Variants in COBLL1 observed in about 807,000 individuals in gnomAD.
The protein encoded by COBLL1 is cordon-bleu WH2 repeat protein like 1, also known as cordon-bleu protein-like 1.
In COBLL1, 50 loss-of-function variants were observed where a neutral mutation model predicts 94.8. The ratio of observed to expected loss-of-function variants is 0.53; its 90% CI spans 0.42 to 0.67. The LOEUF is 0.67. Among genes scored for constraint, COBLL1 ranks in the 30% least tolerant of loss-of-function variants. COBLL1 has a pLI of 0.00. For synonymous variants in COBLL1, 448 were observed against 473.8 expected (o/e 0.95, Z 0.71); for missense variants, 1,362 against 1,348.7 (o/e 1.01, Z -0.15).
At chr2:164,701,628 A>G (rs573009966) in intron 9 of COBLL1, among the ~76,000 whole-genome samples, 85 of 152,052 alleles carry the variant, frequency 5.6e-4, no homozygotes, top group Non-Finnish European at 7.1e-4. Context: ...ATATATGTTT[A>G]CACATAAATA....
At chr2:164,760,650 A>G (rs1687635910) in intron 2 of COBLL1, among the ~76,000 whole-genome samples, 1 of 152,210 alleles carries the variant, frequency 6.6e-6, no homozygotes, top group Non-Finnish European at 1.5e-5. Context: ...ACCATTATAT[A>G]TGATATTATT....
At chr2:164,797,655 T>C (rs1472673853) in intron 2 of COBLL1, among the ~76,000 whole-genome samples, 1 of 152,212 alleles carries the variant, frequency 6.6e-6, no homozygotes, top group Non-Finnish European at 1.5e-5. Context: ...ATAACTGAAA[T>C]ACCATCTTGT....
intron 9 of COBLL1, chr2:164,703,660 C>A: frequency 2.6e-6 from 1 of 383,678 alleles, no homozygotes; most frequent in Admixed American, 4.4e-5. Context: ...GAGTGTTCCT[C>A]CTAAATGTTT....
intron 2 of COBLL1, among the ~76,000 whole-genome samples, chr2:164,815,180 A>G (rs1473489584): frequency 6.6e-6 from 1 of 152,056 alleles, no homozygotes; most frequent in Non-Finnish European, 1.5e-5. Flanking sequence ...TGGGCAGAGC[A>G]CTTGAGGTCA....
At chr2:164,817,111 C>T (rs1044992658) in intron 2 of COBLL1, among the ~76,000 whole-genome samples, 1 of 152,110 alleles carries the variant, frequency 6.6e-6, no homozygotes, top group Non-Finnish European at 1.5e-5. Flanking sequence ...GAATCTGGAA[C>T]ATGAATGATG....
chr2:164,668,210 C>T (rs993416402), intron 1 of COBLL1, among the ~76,000 whole-genome samples: 4 of 152,204 alleles, frequency 2.6e-5, no homozygotes, highest in Middle Eastern at 3.4e-3. Flanking sequence ...GTGATCTACC[C>T]GCCTTGGCCT....
rs199529383 is a variant in COBLL1 at position 164,822,734 on chromosome 2, ATATTATTATTATTATTATTATTAT to A, written c.41+18398_41+18421del. ...GTAAGCTCTCTGAAAAGATTATATT[ATATTATTATTATTATTATTATTAT>A]TATTATTATTATTATTATTATTATT... On this transcript the variant is annotated intron_variant, in intron 2 of 13. Transcript: ENST00000652658. 4.5e-4 allele frequency among the ~76,000 whole-genome samples: 63 copies of A among 139,480 alleles called. 1 individual carries two copies. In the East Asian group the frequency reaches 8.7e-3, roughly 19 times the overall value. 91.5% of individuals were successfully genotyped at this position (139,480 alleles called of 152,430 possible).
At chr2:164,786,991 C>T (rs1688991103) in intron 2 of COBLL1, among the ~76,000 whole-genome samples, 1 of 152,142 alleles carries the variant, frequency 6.6e-6, no homozygotes, top group African/African-American at 2.4e-5. Flanking sequence ...TGAAGCCCTT[C>T]TGCACTAATG....
intron 7 of COBLL1, among the ~76,000 whole-genome samples, chr2:164,705,752 G>A (rs1684557189): frequency 6.6e-6 from 1 of 152,164 alleles, no homozygotes; most frequent in Admixed American, 6.5e-5. Flanking sequence ...TTGTTCAGGT[G>A]GCTCACACCT....
At chr2:164,770,928 C>A (rs1398828549) in intron 2 of COBLL1, among the ~76,000 whole-genome samples, 1 of 151,884 alleles carries the variant, frequency 6.6e-6, no homozygotes, top group Non-Finnish European at 1.5e-5. Flanking sequence ...AGCTAAAATC[C>A]TAATTTACAC....
chr2:164,832,479 T>C (rs1345735179), intron 2 of COBLL1, among the ~76,000 whole-genome samples: 1 of 152,218 alleles, frequency 6.6e-6, no homozygotes, highest in Non-Finnish European at 1.5e-5. Flanking sequence ...ACACATCATA[T>C]TTAAAAAAAT....
At chr2:164,841,981 TC>T (rs1483345352), upstream of COBLL1, 7 of 1,539,230 alleles carry the variant, frequency 4.5e-6, no homozygotes, top group African/African-American at 9.6e-5. The surrounding 1 kb of genome is among the most constrained non-coding windows in gnomAD (Gnocchi z 5.5). Context: ...CTGCCCGGAG[TC>T]CGGGAGCTCG....
chr2:164,706,374 G>A (rs1362894004), intron 7 of COBLL1, among the ~76,000 whole-genome samples: 2 of 152,168 alleles, frequency 1.3e-5, no homozygotes, highest in African/African-American at 4.8e-5. Context: ...ACACTGGTGT[G>A]ACACAGAGTG....
At chr2:164,773,432 T>G (rs1270417925) in intron 2 of COBLL1, among the ~76,000 whole-genome samples, 1 of 152,154 alleles carries the variant, frequency 6.6e-6, no homozygotes, top group East Asian at 1.9e-4. Context: ...TTTAAAATAA[T>G]TTTTATTCTC....
intron 2 of COBLL1, among the ~76,000 whole-genome samples, chr2:164,796,799 C>G (rs1683484371): frequency 6.7e-6 from 1 of 149,524 alleles, no homozygotes; most frequent in Non-Finnish European, 1.5e-5. Flanking sequence ...CATATTAAGA[C>G]TCTCATCTCT....
intron 7 of COBLL1, among the ~76,000 whole-genome samples, chr2:164,715,088 C>T (rs1039240661): frequency 6.6e-6 from 1 of 152,116 alleles, no homozygotes; most frequent in African/African-American, 2.4e-5. Flanking sequence ...AGAGCCTTGT[C>T]TGAAACATTA....
At chr2:164,826,802 G>A (rs1303070944) in intron 2 of COBLL1, among the ~76,000 whole-genome samples, 1 of 152,114 alleles carries the variant, frequency 6.6e-6, no homozygotes, top group Non-Finnish European at 1.5e-5. Context: ...AGCCGGCAGA[G>A]TTAAATGTAG....
chr2:164,720,460 G>C (rs1332557911), intron 7 of COBLL1, among the ~76,000 whole-genome samples: 1 of 152,102 alleles, frequency 6.6e-6, no homozygotes, highest in Non-Finnish European at 1.5e-5. Flanking sequence ...TACTGAAATA[G>C]ATTGGATGAG....
intron 2 of COBLL1, among the ~76,000 whole-genome samples, chr2:164,794,043 T>C (rs1683316701): frequency 6.6e-6 from 1 of 152,190 alleles, no homozygotes; most frequent in Non-Finnish European, 1.5e-5. Flanking sequence ...TATTTATTAA[T>C]ACAAACAGAA....
Sources: gnomAD v4.1 joint callset for allele counts (sites outside exome capture counted in the v4.1 genomes callset) on GRCh38, gnomAD v4.1.1 for gene constraint, Gnocchi (gnomAD v3.1) non-coding constraint, MANE v1.5 for transcripts, NCBI Gene and HGNC (gene_info 2026-07-23, HGNC 2026-07-21) for gene names.